Variants in ERCC5 observed in about 807,000 individuals in gnomAD.
The protein encoded by ERCC5 is ERCC excision repair 5, endonuclease, also known as DNA excision repair protein ERCC-5.
A neutral mutation model predicts 105.6 loss-of-function variants in ERCC5; 68 were observed. The observed-to-expected ratio is 0.64, with a 90% confidence interval of 0.53 to 0.79. ERCC5 has a LOEUF of 0.79. ERCC5 is among the 30% of genes least tolerant of loss of function. ERCC5 has a pLI of 0.00. For missense variants in ERCC5, 1,373 were observed against 1,426.7 expected (o/e 0.96, Z 0.61); for synonymous variants, 546 against 526.2 (o/e 1.04, Z -0.51).
At chr13:102,868,544 T>C (rs1390385457) in intron 12 of ERCC5, among the ~76,000 whole-genome samples, 1 of 152,244 alleles carries the variant, frequency 6.6e-6, no homozygotes, top group Admixed American at 6.5e-5. Context: ...ATAGAGCAGC[T>C]ATGATGTGTC....
intron 8 of ERCC5, among the ~76,000 whole-genome samples, chr13:102,863,373 A>G (rs1436349220): frequency 1.3e-5 from 2 of 152,266 alleles, no homozygotes; most frequent in East Asian, 3.9e-4. Flanking sequence ...AGTTTTTAAA[A>G]ACTTTTTATT....
Position 102,846,163 on chromosome 13 carries a change from G to C in ERCC5, c.-104G>C, listed in dbSNP as rs1167722606. ...ATTATTTGCCATCTTTGTTGTGTAG[G>C]AGCAGGGAGGGCTTCCTCCCGGGGT... On this transcript the variant is annotated 5_prime_UTR_variant, in exon 1 of 15. Transcript: ENST00000652225. 6.8e-6 allele frequency: 6 copies of C among 883,436 alleles called. No individual in the cohort carries two copies. The highest frequency in any genetic ancestry group is 9.2e-6 in the Non-Finnish European group (5 of 546,364). 54.7% of individuals were successfully genotyped at this position (883,436 alleles called of 1,614,324 possible). A position where few individuals can be genotyped will look rare whatever the true frequency, so the allele number is the denominator to read the frequency against.
At chr13:102,868,818 G>C (rs966161112) in intron 12 of ERCC5, among the ~76,000 whole-genome samples, 1 of 152,238 alleles carries the variant, frequency 6.6e-6, no homozygotes, top group East Asian at 1.9e-4. Context: ...CCAGAACCCA[G>C]AGTCGTGCTA....
chr13:102,855,113 T>A (rs886092377), intron 4 of ERCC5, among the ~76,000 whole-genome samples: 5 of 152,236 alleles, frequency 3.3e-5, no homozygotes, highest in Non-Finnish European at 7.3e-5. Context: ...TCTTTCTGTC[T>A]TTGTCTTTGA....
intron 13 of ERCC5, among the ~76,000 whole-genome samples, chr13:102,873,013 G>A (rs947555988): frequency 1.3e-5 from 2 of 152,092 alleles, no homozygotes; most frequent in Non-Finnish European, 2.9e-5. Context: ...ATAGTCACAA[G>A]TCTTTGATGT....
In ERCC5 at chr13:102,866,337, C is replaced by T. The variant is rs570252494; in HGVS notation, c.2275C>T (p.Arg759Trp). 50 of 1,614,192 alleles carry T rather than the reference C, an allele frequency of 3.1e-5. No individual in the cohort carries two copies. Among genetic ancestry groups the T allele is most frequent in the East Asian group, 8.9e-5 (4 of 44,886 alleles). The part of the protein sequence containing the change: ...SLKAQKQQQE[R>W]IAATVTGQMF... ...GAAAGCTCAAAAACAGCAGCAAGAA[C>T]GGATCGCTGCTACTGTCACCGGACA... Residue 759 changes from arginine to tryptophan, a missense_variant, in exon 10 of 15, where the codon CGG becomes TGG. Arg to Trp is a moderately radical substitution (Grantham distance 101). Coordinates refer to ENST00000652225, the MANE Select transcript of ERCC5 (RefSeq NM_000123.4).
intron 1 of ERCC5, 65 bp downstream of exon 1, chr13:102,846,419 C>T: frequency 7.1e-7 from 1 of 1,413,038 alleles, no homozygotes; most frequent in South Asian, 1.2e-5. Context: ...TCGCGGGGCT[C>T]TGCCTTGGGC....
At chr13:102,870,310 A>G (rs976560790) in intron 12 of ERCC5, among the ~76,000 whole-genome samples, 1 of 152,152 alleles carries the variant, frequency 6.6e-6, no homozygotes, top group African/African-American at 2.4e-5. Flanking sequence ...GAAAAAGGAG[A>G]GCTGAAAATA....
At chr13:102,868,470 AC>A (rs778349125) in intron 12 of ERCC5, among the ~76,000 whole-genome samples, 238 of 152,350 alleles carry the variant, frequency 1.6e-3, no homozygotes, top group Non-Finnish European at 1.6e-3. Context: ...GTTCAAGGGT[AC>A]AAAGCCAGTC....
Position 102,875,773 on chromosome 13 carries a change from C to A in ERCC5, c.3431C>A (p.Thr1144Asn). The change falls in exon 15 of 15, where the codon ACC becomes AAC. Residue 1144 changes from threonine (T) to asparagine (N), a missense_variant. Around this residue, in one of 3 missense-constraint regions of ERCC5, gnomAD observed 367 missense variants for 350.2 expected, o/e 1.05. Coordinates refer to ENST00000652225, the MANE Select transcript of ERCC5 (RefSeq NM_000123.4). Reference protein sequence around the residue: ...KEAPVKNGGATTSSSSDSDDD... With the variant: ...KEAPVKNGGANTSSSSDSDDD... Reference sequence around the variant, plus strand: ...GCTCCCGTGAAGAATGGAGGTGCGACCACCAGCAGCTCTAGTGATAGTGAT... The same window carrying A: ...GCTCCCGTGAAGAATGGAGGTGCGAACACCAGCAGCTCTAGTGATAGTGAT... 6.2e-7 allele frequency: 1 copy of A among 1,614,050 alleles called. No individual in the cohort carries two copies. Among genetic ancestry groups the A allele is most frequent in the South Asian group, 1.1e-5 (1 of 91,080 alleles).
intron 12 of ERCC5, among the ~76,000 whole-genome samples, chr13:102,871,609 AC>A (rs1243137512): frequency 9.2e-5 from 3 of 32,730 alleles, no homozygotes; most frequent in African/African-American, 3.8e-4. Flanking sequence ...TGTTTTACAT[AC>A]ATATGTATTT....
chr13:102,864,122 T>C (rs1489264018), intron 8 of ERCC5, among the ~76,000 whole-genome samples: 2 of 73,882 alleles, frequency 2.7e-5, no homozygotes, highest in African/African-American at 7.4e-5. Context: ...AATAAGAGAA[T>C]CAACCACACA....
chr13:102,851,318 C>T (rs1349294469), intron 1 of ERCC5, among the ~76,000 whole-genome samples: 3 of 151,990 alleles, frequency 2.0e-5, no homozygotes, highest in Non-Finnish European at 2.9e-5. Flanking sequence ...TTTTTTGAGA[C>T]GGAGTCTTGC....
At position 102,862,898 on chromosome 13, in the gene ERCC5, G is replaced by A; in HGVS notation, c.1749G>A (p.Leu583=). 6.2e-7 allele frequency: 1 copy of A among 1,614,198 alleles called. No homozygotes were observed. The highest frequency in any genetic ancestry group is 8.5e-7 in the Non-Finnish European group (1 of 1,180,034). ...SASEVIGPVS[L]QETSSIVSVP... is the part of the protein sequence containing the mutation. ...CTGAAGTCATTGGCCCTGTCAGTTTGCAAGAAACAAGTAGCATAGTAAGTG... is the reference window on the plus strand; with the variant it reads ...CTGAAGTCATTGGCCCTGTCAGTTTACAAGAAACAAGTAGCATAGTAAGTG... Residue 583 remains leucine (L), a synonymous_variant, in exon 8 of 15, where the codon TTG becomes TTA. Coordinates refer to ENST00000652225, the MANE Select transcript of ERCC5 (RefSeq NM_000123.4).
intron 7 of ERCC5, among the ~76,000 whole-genome samples, 154 bp downstream of exon 7, chr13:102,861,868 C>A (rs973463915): frequency 4.6e-5 from 7 of 152,098 alleles, no homozygotes; most frequent in Non-Finnish European, 1.0e-4. Flanking sequence ...ACTATAGTGC[C>A]AAACCACTTT....
Position 102,852,113 on chromosome 13 carries a change from C to T in ERCC5, c.89-5C>T. ...CGGAGTTTTTTCCATTAACAATTCTCCCAGATATTAGCATTTGGTTAAACC... is the reference window on the plus strand; with the variant it reads ...CGGAGTTTTTTCCATTAACAATTCTTCCAGATATTAGCATTTGGTTAAACC... On this transcript the variant is annotated splice_polypyrimidine_tract_variant and splice_region_variant and intron_variant, in intron 1 of 14. Transcript: ENST00000652225. 2 of 1,613,898 alleles carry T rather than the reference C, an allele frequency of 1.2e-6. No individual in the cohort carries two copies. Among genetic ancestry groups the T allele is most frequent in the East Asian group, 4.5e-5 (2 of 44,848 alleles).
intron 14 of ERCC5, chr13:102,874,689 TG>T (rs1883143366): frequency 6.6e-6 from 1 of 152,272 alleles, no homozygotes; most frequent in Non-Finnish European, 1.5e-5. Context: ...GCCTGGCTAA[TG>T]TTTTGTATTT....
chr13:102,849,950 GT>G (rs972678358), intron 1 of ERCC5, among the ~76,000 whole-genome samples: 4 of 147,432 alleles, frequency 2.7e-5, no homozygotes, highest in African/African-American at 1.0e-4. Flanking sequence ...TTTTCTTTTT[GT>G]TTTTTTTTGA....
At chr13:102,855,661 A>T (rs753796340) in intron 4 of ERCC5, among the ~76,000 whole-genome samples, 1 of 152,106 alleles carries the variant, frequency 6.6e-6, no homozygotes, top group Non-Finnish European at 1.5e-5. Context: ...CCTTGTTTCT[A>T]TATGGTCATA....
Sources: gnomAD v4.1 joint callset for allele counts (sites outside exome capture counted in the v4.1 genomes callset) on GRCh38, gnomAD v4.1.1 for gene constraint, gnomAD v4.1.1 regional missense constraint, MANE v1.5 for transcripts, NCBI Gene and HGNC (gene_info 2026-07-23, HGNC 2026-07-21) for gene names.